The following NLRC4 variants were observed in gnomAD, a reference collection of about 807,000 sequenced individuals.
NLRC4 encodes the protein NLR family CARD domain containing 4.
Under a neutral mutation model 79.9 loss-of-function variants are expected in NLRC4, and 63 were observed. The ratio of observed to expected loss-of-function variants is 0.79; its 90% confidence interval spans 0.64 to 0.97. NLRC4 has a LOEUF of 0.97. Among genes scored for constraint, NLRC4 ranks in the 50% least tolerant of loss-of-function variants. The probability of loss-of-function intolerance (pLI) is 0.00; values close to 1 mark genes in which losing one functional copy is unlikely to be tolerated. For synonymous variants in NLRC4, 461 were observed against 456.5 expected, an observed-to-expected ratio of 1.01 and a Z score of -0.12; for missense variants, 1,074 against 1,215.2, an observed-to-expected ratio of 0.88 and a Z score of 1.73.
intron 5 of NLRC4, among the ~76,000 whole-genome samples, chr2:32,239,014 C>G (rs1177739190): frequency 6.6e-6 from 1 of 152,100 alleles, no homozygotes; most frequent in Non-Finnish European, 1.5e-5. Flanking sequence ...GGCATGGTGG[C>G]TCACACCTGT....
intron 8 of NLRC4, among the ~76,000 whole-genome samples, chr2:32,230,466 C>T (rs1465428812): frequency 6.7e-6 from 1 of 148,344 alleles, no homozygotes; most frequent in Non-Finnish European, 1.5e-5. Flanking sequence ...GGCCCAGCCC[C>T]CGCTATTTTT....
chr2:32,239,274 C>T (rs924798172), intron 5 of NLRC4, among the ~76,000 whole-genome samples: 1 of 152,050 alleles, frequency 6.6e-6, no homozygotes, highest in African/African-American at 2.4e-5. Context: ...GAGCGAGACT[C>T]CCATCTCAAA....
intron 8 of NLRC4, among the ~76,000 whole-genome samples, chr2:32,231,644 A>G (rs902868286): frequency 6.8e-6 from 1 of 146,132 alleles, no homozygotes; most frequent in Non-Finnish European, 1.5e-5. Flanking sequence ...ATCACAGCTC[A>G]CTGCAGCCTC....
chr2:32,236,138 T>C (rs1686666854), intron 7 of NLRC4, 109 bp downstream of exon 7: 1 of 617,710 alleles, frequency 1.6e-6, no homozygotes, highest in Non-Finnish European at 2.8e-6. Flanking sequence ...GGAGGGTGCA[T>C]CTAGTAAGGC....
At chr2:32,226,171 G>A (rs1039305833) in intron 8 of NLRC4, among the ~76,000 whole-genome samples, 3 of 152,128 alleles carry the variant, frequency 2.0e-5, no homozygotes, top group Non-Finnish European at 2.9e-5. Flanking sequence ...ACCAGCTTAC[G>A]TGGGTGAGGT....
At chr2:32,259,155 G>T (rs1224393127) in intron 1 of NLRC4, among the ~76,000 whole-genome samples, 2 of 151,822 alleles carry the variant, frequency 1.3e-5, no homozygotes, top group Non-Finnish European at 2.9e-5. Context: ...GAGTGCAGTG[G>T]CCCCATCATG....
At chr2:32,243,021 C>CT (rs1363930697) in intron 4 of NLRC4, among the ~76,000 whole-genome samples, 3 of 151,672 alleles carry the variant, frequency 2.0e-5, no homozygotes, top group African/African-American at 4.9e-5. Context: ...GCACTCCAGC[C>CT]TTGGTGACAG....
Position 32,255,476 on chromosome 2 carries a change from C to T in NLRC4, c.1+1299G>A, listed in dbSNP as rs549674975. Among the ~76,000 whole-genome samples the T allele has an allele frequency of 1.3e-4, 19 of 146,110 alleles. No homozygotes were observed. The South Asian group carries it at 3.4e-3, about 26-fold the overall frequency. On this transcript the variant is annotated intron_variant, in intron 2 of 8. Coordinates refer to ENST00000402280, the MANE Select transcript of NLRC4 (RefSeq NM_001199138.2). ...CAGAGGTTGCGGTGAGCCCAGATGG[C>T]GCCATTGCACTCCAGCCTGGGCAAC...
At chr2:32,258,990 G>A (rs1326043443) in intron 1 of NLRC4, among the ~76,000 whole-genome samples, 1 of 152,166 alleles carries the variant, frequency 6.6e-6, no homozygotes, top group Admixed American at 6.5e-5. Context: ...TCACTGGGTG[G>A]AGAGAAACAA....
At position 32,252,727 on chromosome 2, in the gene NLRC4, G is replaced by A. The variant is rs371845210; in HGVS notation, c.2-48C>T. The A allele has an allele frequency of 7.7e-6, 12 of 1,550,276 alleles. No homozygotes were observed. In the African/African-American group the frequency reaches 8.2e-5, roughly 11 times the overall value. On this transcript the variant is annotated intron_variant, in intron 2 of 8. Transcript: ENST00000402280. ...ACATATTTATTTACTTATATAAAAT[G>A]TGCATATCCGGCTGGGCACGGTGGC...
At chr2:32,258,931 T>C (rs1194808834) in intron 1 of NLRC4, among the ~76,000 whole-genome samples, 2 of 152,032 alleles carry the variant, frequency 1.3e-5, no homozygotes, top group African/African-American at 4.8e-5. Context: ...AAAGTCTGAA[T>C]TAAAGACAGC....
At chr2:32,248,053 A>G (rs189334395) in intron 4 of NLRC4, among the ~76,000 whole-genome samples, 4 of 152,296 alleles carry the variant, frequency 2.6e-5, no homozygotes, top group Admixed American at 2.0e-4. Context: ...AAATAATCTG[A>G]TAATGGTGGT....
At position 32,250,556 on chromosome 2, in the gene NLRC4, C is replaced by A; in HGVS notation, c.1308G>T (p.Lys436Asn). ...ACTTGTGAAAGAATTTATACTTTGGCTTGAACCTTTGAGCTGTATATTTAC... is the reference window on the plus strand; with the variant it reads ...ACTTGTGAAAGAATTTATACTTTGGATTGAACCTTTGAGCTGTATATTTAC... Reference protein sequence around the residue: ...LLCKYTAQRFKPKYKFFHKSF... With the variant: ...LLCKYTAQRFNPKYKFFHKSF... Residue 436 changes from lysine (K) to asparagine (N), a missense_variant, in exon 4 of 9, where the codon AAG (lysine) becomes AAT (asparagine). By Grantham distance (94) the Lys-to-Asn change is moderately conservative. Coordinates refer to ENST00000402280, the MANE Select transcript of NLRC4 (RefSeq NM_001199138.2). The surrounding 1 kb of genome is among the most constrained non-coding windows in gnomAD (Gnocchi z 4.9). 1 of 1,614,188 alleles carries A rather than the reference C, an allele frequency of 6.2e-7. No homozygotes were observed. Among genetic ancestry groups the A allele is most frequent in the South Asian group, 1.1e-5 (1 of 91,088 alleles).
rs770232405 is a variant in NLRC4, at chr2:32,251,219, G to C, written c.645C>G (p.Thr215=). ...LSRAQGGLFE[T]LCDQLLDIPG... ...GTATATCCAGGAGTTGATCACAGAG[G>C]GTTTCAAAAAGTCCACCCTGGGCCC... is the stretch of plus-strand genomic sequence containing the variant. The change falls in exon 4 of 9, where the codon ACC becomes ACG. Residue 215 remains threonine (T), a synonymous_variant. Transcript: ENST00000402280. 6.2e-6 allele frequency: 10 copies of C among 1,614,162 alleles called. No homozygotes were observed. Among genetic ancestry groups the C allele is most frequent in the East Asian group, 4.5e-5 (2 of 44,878 alleles).
chr2:32,249,483 G>T, intron 4 of NLRC4, 124 bp downstream of exon 4: 1 of 797,722 alleles, frequency 1.3e-6, no homozygotes, highest in African/African-American at 1.7e-5. Context: ...TCAGCCTGTG[G>T]GATGGCCACC....
At chr2:32,238,970 C>G (rs1413060901) in intron 5 of NLRC4, among the ~76,000 whole-genome samples, 1 of 152,082 alleles carries the variant, frequency 6.6e-6, no homozygotes, top group Admixed American at 6.6e-5. Flanking sequence ...GGTACTGTAG[C>G]CTACGGGAAA....
intron 8 of NLRC4, among the ~76,000 whole-genome samples, chr2:32,227,845 A>C (rs1242453230): frequency 6.6e-6 from 1 of 152,184 alleles, no homozygotes; most frequent in Non-Finnish European, 1.5e-5. Context: ...AACAGAATCC[A>C]TGACATTTAG....
chr2:32,260,667 G>C (rs921511727), intron 1 of NLRC4, among the ~76,000 whole-genome samples: 6 of 152,192 alleles, frequency 3.9e-5, no homozygotes, highest in African/African-American at 1.2e-4. Flanking sequence ...AAAGCCACCT[G>C]GGGGCCAGGC....
intron 3 of NLRC4, among the ~76,000 whole-genome samples, 187 bp from the exon 4 acceptor site, chr2:32,251,788 C>G (rs941271862): frequency 5.3e-5 from 8 of 152,158 alleles, no homozygotes; most frequent in Non-Finnish European, 8.8e-5. Flanking sequence ...CTTTACCCCA[C>G]TCCCCTTTTT....
Sources: allele counts gnomAD v4.1 joint callset (sites outside exome capture counted in the v4.1 genomes callset), GRCh38; gene constraint gnomAD v4.1.1; non-coding constraint Gnocchi (gnomAD v3.1); transcripts MANE v1.5; gene names NCBI Gene and HGNC (gene_info 2026-07-23, HGNC 2026-07-21).